The following PLXNA2 variants were observed in gnomAD, a reference collection of about 807,000 sequenced individuals.
PLXNA2 encodes plexin A2.
Under a neutral mutation model 193.5 loss-of-function variants are expected in PLXNA2, and 91 were observed. The ratio of observed to expected loss-of-function variants is 0.47; its 90% CI spans 0.40 to 0.56. The LOEUF is 0.56. Among genes scored for constraint, PLXNA2 ranks in the 20% least tolerant of loss-of-function variants. The pLI is 0.00. For synonymous variants in PLXNA2, 997 were observed against 1,027.3 expected (o/e 0.97, Z 0.56); for missense variants, 1,995 against 2,503.2 (o/e 0.80, Z 4.33).
intron 3 of PLXNA2, among the ~76,000 whole-genome samples, chr1:208,185,715 AAAAG>A (rs1276978683): frequency 3.0e-5 from 2 of 66,522 alleles, no homozygotes; most frequent in East Asian, 3.8e-4. Flanking sequence ...AAAAAAAAAA[AAAAG>A]GAAAAAAAAA....
At chr1:208,176,778 C>T (rs149550584) in intron 3 of PLXNA2, among the ~76,000 whole-genome samples, 18 of 152,368 alleles carry the variant, frequency 1.2e-4, no homozygotes, top group African/African-American at 4.3e-4. Flanking sequence ...AGGGTTTCCC[C>T]TTGATAACCA....
chr1:208,192,183 T>C (rs1207276189), intron 3 of PLXNA2, among the ~76,000 whole-genome samples: 1 of 152,236 alleles, frequency 6.6e-6, no homozygotes, highest in Non-Finnish European at 1.5e-5. Context: ...GTCCACTCTT[T>C]CCATCTGCTC....
Position 208,060,360 on chromosome 1 carries a change from A to G in PLXNA2, c.2738+326T>C, listed in dbSNP as rs892385423. On this transcript the variant is annotated intron_variant, in intron 13 of 31. Transcript: ENST00000367033. ...AGCCCACCATACAGGATGCATTCCA[A>G]TGGGGGCTGACAGGGGAAGGGCTGG... 5.3e-5 allele frequency among the ~76,000 whole-genome samples: 8 copies of G among 152,180 alleles called. No homozygotes were observed. In the East Asian group the frequency reaches 1.3e-3, roughly 26 times the overall value.
At chr1:208,179,304 C>G (rs1238921610) in intron 3 of PLXNA2, among the ~76,000 whole-genome samples, 1 of 152,218 alleles carries the variant, frequency 6.6e-6, no homozygotes, top group African/African-American at 2.4e-5. Flanking sequence ...AGGCACTTTC[C>G]CGTCCTCGGT....
At chr1:208,042,780 C>G (rs1664918058) in intron 21 of PLXNA2, among the ~76,000 whole-genome samples, 1 of 152,224 alleles carries the variant, frequency 6.6e-6, no homozygotes, top group Non-Finnish European at 1.5e-5. Context: ...TTTAAGCCAT[C>G]TTAAATCCAT....
intron 4 of PLXNA2, among the ~76,000 whole-genome samples, chr1:208,117,165 T>C (rs1667661347): frequency 6.6e-6 from 1 of 152,100 alleles, no homozygotes; most frequent in South Asian, 2.1e-4. Context: ...AGCAAGACTC[T>C]GTCTCACATA....
intron 3 of PLXNA2, among the ~76,000 whole-genome samples, chr1:208,176,704 A>G (rs1168273412): frequency 6.6e-6 from 1 of 152,186 alleles, no homozygotes; most frequent in Non-Finnish European, 1.5e-5. Flanking sequence ...AAAAGCTAAA[A>G]CCTGGCATTA....
intron 4 of PLXNA2, among the ~76,000 whole-genome samples, chr1:208,131,010 A>T (rs1258389487): frequency 1.3e-5 from 2 of 152,204 alleles, no homozygotes; most frequent in Admixed American, 1.3e-4. Context: ...GTTCACAAAG[A>T]TGTCCCTGGA....
At chr1:208,068,312 G>A (rs995907635) in intron 12 of PLXNA2, among the ~76,000 whole-genome samples, 38 of 152,326 alleles carry the variant, frequency 2.5e-4, no homozygotes, top group South Asian at 8.3e-4. Flanking sequence ...GCTTGAGAGT[G>A]ATGTAGTATT....
chr1:208,163,055 T>G (rs891628543), intron 3 of PLXNA2, among the ~76,000 whole-genome samples: 2 of 152,114 alleles, frequency 1.3e-5, no homozygotes, highest in Admixed American at 1.3e-4. Context: ...GAGGGAGGCA[T>G]GGCAGGGACA....
intron 1 of PLXNA2, among the ~76,000 whole-genome samples, chr1:208,239,140 T>C (rs1419866800): frequency 7.0e-6 from 1 of 142,630 alleles, no homozygotes; most frequent in Non-Finnish European, 1.5e-5. Context: ...CATCTATTAA[T>C]ATTTTTTTTC....
intron 3 of PLXNA2, among the ~76,000 whole-genome samples, chr1:208,145,584 T>C (rs898439249): frequency 6.6e-6 from 1 of 152,216 alleles, no homozygotes; most frequent in African/African-American, 2.4e-5. Flanking sequence ...AGAGAATGAA[T>C]GCCATGGTGA....
At chr1:208,061,621 T>C (rs181752101) in intron 12 of PLXNA2, among the ~76,000 whole-genome samples, 1 of 152,354 alleles carries the variant, frequency 6.6e-6, no homozygotes, top group African/African-American at 2.4e-5. Context: ...TTCCAAATCT[T>C]TGCTGGCTTC....
At chr1:208,035,848 T>C (rs909923630) in intron 26 of PLXNA2, among the ~76,000 whole-genome samples, 2 of 152,238 alleles carry the variant, frequency 1.3e-5, no homozygotes, top group Non-Finnish European at 2.9e-5. Flanking sequence ...TGAACATTAG[T>C]GCTAACGAGA....
chr1:208,101,426 C>A (rs1208386843), intron 5 of PLXNA2, among the ~76,000 whole-genome samples: 1 of 152,178 alleles, frequency 6.6e-6, no homozygotes, highest in African/African-American at 2.4e-5. Flanking sequence ...GCAGAGAAAC[C>A]TCTGGGTATA....
chr1:208,204,346 C>G (rs1226182123), intron 3 of PLXNA2, among the ~76,000 whole-genome samples: 3 of 152,192 alleles, frequency 2.0e-5, no homozygotes, highest in African/African-American at 2.4e-5. Flanking sequence ...GCTGTCTGTA[C>G]TATTCTGGGG....
At chr1:208,151,148 T>C (rs1668752053) in intron 3 of PLXNA2, among the ~76,000 whole-genome samples, 1 of 152,186 alleles carries the variant, frequency 6.6e-6, no homozygotes, top group Non-Finnish European at 1.5e-5. Context: ...AATCAAATCA[T>C]GCAGAAGCAA....
chr1:208,108,062 G>A (rs1667330835), intron 4 of PLXNA2, among the ~76,000 whole-genome samples: 1 of 152,136 alleles, frequency 6.6e-6, no homozygotes, highest in Admixed American at 6.5e-5. Flanking sequence ...CCGCGTCTCT[G>A]GTGCCTTCCT....
chr1:208,057,247 A>C (rs918704302), intron 13 of PLXNA2, among the ~76,000 whole-genome samples: 4 of 152,184 alleles, frequency 2.6e-5, no homozygotes, highest in African/African-American at 9.7e-5. Flanking sequence ...AATGAAACTA[A>C]GGCTCAGGGA....
Sources: allele counts gnomAD v4.1 joint callset (sites outside exome capture counted in the v4.1 genomes callset), GRCh38; gene constraint gnomAD v4.1.1; transcripts MANE v1.5; gene names NCBI Gene and HGNC (gene_info 2026-07-23, HGNC 2026-07-21).